Variants in SORCS3 observed in about 807,000 individuals in gnomAD.
SORCS3 encodes VPS10 domain-containing receptor SorCS3.
A neutral mutation model predicts 146.3 loss-of-function variants in SORCS3; 57 were observed. The ratio of observed to expected loss-of-function variants is 0.39; its 90% CI spans 0.31 to 0.49. SORCS3 has a LOEUF of 0.49. Ranked by LOEUF, SORCS3 falls within the 20% of genes least tolerant of loss-of-function variation. SORCS3 has a pLI of 0.92. For missense variants in SORCS3, 1,341 were observed against 1,575.5 expected, an observed-to-expected ratio of 0.85 and a Z score of 2.52; for synonymous variants, 653 against 618.5, an observed-to-expected ratio of 1.06 and a Z score of -0.83.
At chr10:105,044,598 A>C (rs117603462) in intron 5 of SORCS3, among the ~76,000 whole-genome samples, 114 of 152,234 alleles carry the variant, frequency 7.5e-4, no homozygotes, top group Non-Finnish European at 1.6e-3. Flanking sequence ...CTTTGGAAGC[A>C]ATGGCTTCAA....
chr10:104,801,736 T>C (rs1339525081), intron 1 of SORCS3, among the ~76,000 whole-genome samples: 1 of 152,204 alleles, frequency 6.6e-6, no homozygotes. Flanking sequence ...ACTGAAGCAT[T>C]GAGGGATGCA....
chr10:104,654,605 C>T (rs1410619028), intron 1 of SORCS3, among the ~76,000 whole-genome samples: 3 of 152,152 alleles, frequency 2.0e-5, no homozygotes, highest in African/African-American at 7.2e-5. Flanking sequence ...TTTTGTTTTG[C>T]TCTCACATTG....
At chr10:105,127,619 G>A (rs1292295629) in intron 7 of SORCS3, among the ~76,000 whole-genome samples, 2 of 152,084 alleles carry the variant, frequency 1.3e-5, no homozygotes, top group African/African-American at 2.4e-5. Flanking sequence ...TATGACCTGA[G>A]TACTAGGTAC....
chr10:105,072,577 C>T (rs1428356845), intron 5 of SORCS3, among the ~76,000 whole-genome samples: 2 of 151,298 alleles, frequency 1.3e-5, no homozygotes, highest in East Asian at 3.9e-4. Context: ...GCCCTGTTTT[C>T]CAGGGCCTAG....
At chr10:104,702,427 GTA>G (rs1423690674) in intron 1 of SORCS3, among the ~76,000 whole-genome samples, 4 of 152,138 alleles carry the variant, frequency 2.6e-5, no homozygotes, top group Non-Finnish European at 5.9e-5. Context: ...GGGAATACAG[GTA>G]CCTGCCCACC....
chr10:104,678,461 A>G (rs1259868637), intron 1 of SORCS3, among the ~76,000 whole-genome samples: 1 of 152,210 alleles, frequency 6.6e-6, no homozygotes, highest in African/African-American at 2.4e-5. Context: ...CCAAATCCCT[A>G]GGTTCAGAGT....
intron 7 of SORCS3, among the ~76,000 whole-genome samples, chr10:105,109,359 C>A (rs74611949): frequency 0.084 from 12,751 of 152,002 alleles, 615 homozygotes; most frequent in Middle Eastern, 0.12. Context: ...TTTTTCCAAC[C>A]CCAGTTTGTT....
At chr10:105,118,603 T>G (rs903662859) in intron 7 of SORCS3, among the ~76,000 whole-genome samples, 3 of 152,146 alleles carry the variant, frequency 2.0e-5, no homozygotes, top group Non-Finnish European at 4.4e-5. Context: ...GTTTTGAGCT[T>G]CCTAGAGACT....
intron 1 of SORCS3, among the ~76,000 whole-genome samples, chr10:104,803,777 G>A (rs2017651179): frequency 6.6e-6 from 1 of 152,024 alleles, no homozygotes; most frequent in Non-Finnish European, 1.5e-5. Flanking sequence ...TTTTACTTCT[G>A]GGTTCTCATG....
chr10:104,672,426 G>C (rs2015865734), intron 1 of SORCS3, among the ~76,000 whole-genome samples: 1 of 151,850 alleles, frequency 6.6e-6, no homozygotes, highest in African/African-American at 2.4e-5. Context: ...CCAACTTTTG[G>C]TTTCGTTGAT....
chr10:105,238,412 T>C (rs1438163050), intron 20 of SORCS3, among the ~76,000 whole-genome samples: 1 of 152,172 alleles, frequency 6.6e-6, no homozygotes, highest in Non-Finnish European at 1.5e-5. Flanking sequence ...TATGCAGACA[T>C]TGTTGATCAT....
chr10:105,225,434 G>T (rs942849952), intron 20 of SORCS3, among the ~76,000 whole-genome samples: 35 of 151,582 alleles, frequency 2.3e-4, no homozygotes, highest in African/African-American at 8.5e-4. Context: ...TGGTTCCATT[G>T]GTCTGTTTTC....
chr10:105,217,456 C>G (rs1300495528), intron 19 of SORCS3, among the ~76,000 whole-genome samples: 5 of 152,144 alleles, frequency 3.3e-5, no homozygotes, highest in Admixed American at 1.3e-4. Flanking sequence ...TAGAAACAAG[C>G]CTTCTGGTTG....
chr10:104,998,153 A>G (rs1019264841), intron 4 of SORCS3, among the ~76,000 whole-genome samples: 3 of 152,198 alleles, frequency 2.0e-5, no homozygotes, highest in African/African-American at 4.8e-5. Flanking sequence ...CTCATAGTTT[A>G]TTCCCAGTTG....
chr10:104,713,020 G>A (rs1589468448), intron 1 of SORCS3, among the ~76,000 whole-genome samples: 1 of 152,136 alleles, frequency 6.6e-6, no homozygotes, highest in Non-Finnish European at 1.5e-5. Context: ...AACTGGGCAG[G>A]TTTTATTTAT....
At chr10:105,198,976 G>C (rs1355252928) in intron 14 of SORCS3, among the ~76,000 whole-genome samples, 2 of 152,258 alleles carry the variant, frequency 1.3e-5, no homozygotes, top group Non-Finnish European at 2.9e-5. Flanking sequence ...CTTTTAGAGA[G>C]CATAAGAAAA....
At chr10:105,067,451 C>T (rs1046311873) in intron 5 of SORCS3, among the ~76,000 whole-genome samples, 1 of 152,156 alleles carries the variant, frequency 6.6e-6, no homozygotes, top group Non-Finnish European at 1.5e-5. Flanking sequence ...TGCTTGAACT[C>T]GGGAGGCGGA....
chr10:104,913,599 G>A (rs775707441), intron 2 of SORCS3, among the ~76,000 whole-genome samples: 2 of 152,098 alleles, frequency 1.3e-5, no homozygotes, highest in Non-Finnish European at 2.9e-5. Flanking sequence ...TGCATAATGT[G>A]TAAAACTTTG....
At chr10:105,210,596 A>G (rs1477857363) in intron 16 of SORCS3, among the ~76,000 whole-genome samples, 2 of 152,138 alleles carry the variant, frequency 1.3e-5, no homozygotes, top group African/African-American at 2.4e-5. Flanking sequence ...TCTTCATTTT[A>G]TTATGGCTAG....
Sources: gnomAD v4.1 joint callset for allele counts (sites outside exome capture counted in the v4.1 genomes callset) on GRCh38, gnomAD v4.1.1 for gene constraint, MANE v1.5 for transcripts, NCBI Gene and HGNC (gene_info 2026-07-23, HGNC 2026-07-21) for gene names.